Variants in PLCB1 observed in about 807,000 individuals in gnomAD.
The protein encoded by PLCB1 is phospholipase C beta 1, also known as 1-phosphatidylinositol 4,5-bisphosphate phosphodiesterase beta-1.
In PLCB1, 46 loss-of-function variants were observed where a neutral mutation model predicts 161.8. The ratio of observed to expected loss-of-function variants is 0.28; its 90% confidence interval spans 0.22 to 0.36. The LOEUF (loss-of-function observed/expected upper bound fraction) is 0.36, where lower values mean the gene tolerates loss of function less well. Ranked by LOEUF, PLCB1 falls within the 10% of genes least tolerant of loss-of-function variation. PLCB1 has a pLI of 1.00. For synonymous variants in PLCB1, 517 were observed against 503.7 expected, an observed-to-expected ratio of 1.03 and a Z score of -0.35; for missense variants, 1,016 against 1,472.5, an observed-to-expected ratio of 0.69 and a Z score of 5.07.
intron 10 of PLCB1, among the ~76,000 whole-genome samples, chr20:8,697,099 C>A (rs1466964999): frequency 1.3e-5 from 2 of 152,118 alleles, no homozygotes; most frequent in Non-Finnish European, 2.9e-5. Flanking sequence ...AGCATTTGTG[C>A]CTTTGGCAAA....
chr20:8,359,323 A>T (rs1986464623), intron 2 of PLCB1, among the ~76,000 whole-genome samples: 1 of 152,164 alleles, frequency 6.6e-6, no homozygotes, highest in African/African-American at 2.4e-5. Context: ...TCAACTTTGG[A>T]GTAGAGCTTT....
At chr20:8,155,568 A>C (rs1234390729) in intron 2 of PLCB1, among the ~76,000 whole-genome samples, 1 of 152,252 alleles carries the variant, frequency 6.6e-6, no homozygotes, top group Non-Finnish European at 1.5e-5. Flanking sequence ...CATAAATGTC[A>C]ACAAGAAAAT....
At chr20:8,817,804 G>A (rs964744854) in intron 31 of PLCB1, among the ~76,000 whole-genome samples, 1 of 152,000 alleles carries the variant, frequency 6.6e-6, no homozygotes, top group Non-Finnish European at 1.5e-5. Flanking sequence ...TGAGATTTTG[G>A]AATTATGAGA....
intron 9 of PLCB1, among the ~76,000 whole-genome samples, chr20:8,677,255 G>A (rs1021240259): frequency 2.0e-5 from 3 of 151,860 alleles, no homozygotes; most frequent in Admixed American, 6.6e-5. Flanking sequence ...TAGCCGGGTG[G>A]GGTATGGTGG....
chr20:8,877,572 C>T (rs1987822366), intron 31 of PLCB1, among the ~76,000 whole-genome samples: 1 of 152,164 alleles, frequency 6.6e-6, no homozygotes, highest in East Asian at 1.9e-4. Context: ...TTGCACATAG[C>T]CTGCTACTTA....
At chr20:8,429,479 T>TA (rs916735438) in intron 3 of PLCB1, among the ~76,000 whole-genome samples, 1 of 149,662 alleles carries the variant, frequency 6.7e-6, no homozygotes, top group Non-Finnish European at 1.5e-5. Flanking sequence ...ACCTGCAATT[T>TA]AAAAAAAAGA....
chr20:8,525,433 G>A (rs1165427972), intron 3 of PLCB1, among the ~76,000 whole-genome samples: 1 of 152,120 alleles, frequency 6.6e-6, no homozygotes, highest in Non-Finnish European at 1.5e-5. Context: ...TAGTTAATTT[G>A]ATTTTGGTGT....
intron 3 of PLCB1, among the ~76,000 whole-genome samples, chr20:8,437,394 G>T (rs765179788): frequency 1.3e-5 from 2 of 152,218 alleles, no homozygotes; most frequent in African/African-American, 4.8e-5. Flanking sequence ...TATCAATGGA[G>T]TAGAAGAGAT....
chr20:8,272,612 C>T (rs981410529), intron 2 of PLCB1, among the ~76,000 whole-genome samples: 3 of 151,160 alleles, frequency 2.0e-5, no homozygotes, highest in Non-Finnish European at 4.4e-5. Flanking sequence ...AGTATACCCA[C>T]ATTAGAAAAC....
intron 11 of PLCB1, among the ~76,000 whole-genome samples, chr20:8,704,407 C>T (rs576414483): frequency 9.2e-5 from 14 of 151,836 alleles, no homozygotes; most frequent in Admixed American, 3.3e-4. Context: ...CTTTTATTTA[C>T]ATGTGTATTT....
chr20:8,605,441 A>G (rs1987728072), intron 3 of PLCB1, among the ~76,000 whole-genome samples: 1 of 152,090 alleles, frequency 6.6e-6, no homozygotes, highest in Non-Finnish European at 1.5e-5. Flanking sequence ...TTTAAAATAT[A>G]ACAACCTTAC....
At chr20:8,728,741 G>C (rs1277112045) in intron 17 of PLCB1, among the ~76,000 whole-genome samples, 5 of 151,794 alleles carry the variant, frequency 3.3e-5, no homozygotes, top group African/African-American at 4.8e-5. Context: ...TTTACCCACG[G>C]GGCTCTGCAA....
At chr20:8,243,140 A>G (rs2123208047) in intron 2 of PLCB1, among the ~76,000 whole-genome samples, 1 of 152,018 alleles carries the variant, frequency 6.6e-6, no homozygotes, top group African/African-American at 2.4e-5. Context: ...ACGACCTAAG[A>G]TAAAGTTTTG....
intron 31 of PLCB1, among the ~76,000 whole-genome samples, chr20:8,871,762 C>T (rs1245638751): frequency 6.6e-6 from 1 of 152,118 alleles, no homozygotes; most frequent in Non-Finnish European, 1.5e-5. Context: ...CTGGAAAGAA[C>T]AAGGACTGGT....
At chr20:8,133,501 T>G (rs958775449) in intron 1 of PLCB1, among the ~76,000 whole-genome samples, 1 of 152,178 alleles carries the variant, frequency 6.6e-6, no homozygotes, top group East Asian at 1.9e-4. Flanking sequence ...ACGATTTACC[T>G]GCACCGTTTG....
At chr20:8,473,833 A>G (rs1042017492) in intron 3 of PLCB1, among the ~76,000 whole-genome samples, 1 of 152,240 alleles carries the variant, frequency 6.6e-6, no homozygotes, top group East Asian at 1.9e-4. Flanking sequence ...AACCAGCAGC[A>G]GTACAAAAAC....
intron 2 of PLCB1, among the ~76,000 whole-genome samples, chr20:8,175,178 TA>T (rs2051769891): frequency 6.6e-6 from 1 of 151,792 alleles, no homozygotes; most frequent in South Asian, 2.1e-4. Context: ...GATAAAATCC[TA>T]AAAAATATTT....
In PLCB1 at chr20:8,882,932, G is replaced by A. The variant is rs1170668996; in HGVS notation, c.*1083G>A. 7.2e-5 allele frequency: 11 copies of A among 152,432 alleles called. No homozygotes were observed. The highest frequency in any genetic ancestry group is 2.4e-4 in the African/African-American group (10 of 41,360). The allele number at this position is 152,432 out of a possible 1,614,324, so 9.4% of individuals were successfully genotyped here. On this transcript the variant is annotated 3_prime_UTR_variant, in exon 32 of 32. Coordinates refer to ENST00000338037, the MANE Select transcript of PLCB1 (RefSeq NM_015192.4). ...GAGTGTAGACATGTGTTTATTAATT[G>A]ACAATGACCCAAATCTCTTCCACAA...
At chr20:8,415,176 A>C (rs1439204737) in intron 3 of PLCB1, among the ~76,000 whole-genome samples, 1 of 152,166 alleles carries the variant, frequency 6.6e-6, no homozygotes, top group East Asian at 1.9e-4. Flanking sequence ...ATGTGAACAA[A>C]ACTTACCCTG....
Sources: allele counts gnomAD v4.1 joint callset (sites outside exome capture counted in the v4.1 genomes callset), GRCh38; gene constraint gnomAD v4.1.1; transcripts MANE v1.5; gene names NCBI Gene and HGNC (gene_info 2026-07-23, HGNC 2026-07-21).